DDX6: variants seen among roughly 807,000 people sequenced by gnomAD.
DDX6 encodes the protein DEAD-box helicase 6.
DDX6 carries 7 observed loss-of-function variants against 60.6 expected under a neutral mutation model. The observed-to-expected ratio is 0.12, with a 90% CI of 0.07 to 0.22. The LOEUF (loss-of-function observed/expected upper bound fraction) is 0.22, where lower values mean the gene tolerates loss of function less well. DDX6 is among the 10% of genes least tolerant of loss of function. The probability of loss-of-function intolerance (pLI) is 1.00; values close to 1 mark genes in which losing one functional copy is unlikely to be tolerated. For missense variants in DDX6, 270 were observed against 589.9 expected, an observed-to-expected ratio of 0.46 and a Z score of 5.62; for synonymous variants, 207 against 201.0, an observed-to-expected ratio of 1.03 and a Z score of -0.25.
At chr11:118,758,598 C>A (rs888082560) in intron 9 of DDX6, among the ~76,000 whole-genome samples, 176 bp downstream of exon 9, 3 of 152,162 alleles carry the variant, frequency 2.0e-5, no homozygotes, top group Non-Finnish European at 2.9e-5. Context: ...GTCTCAAACT[C>A]CTGACCTCGT....
intron 6 of DDX6, among the ~76,000 whole-genome samples, chr11:118,763,812 C>A (rs1555160787): frequency 2.2e-5 from 3 of 138,894 alleles, no homozygotes; most frequent in African/African-American, 5.5e-5. Context: ...CTAGCCAGAG[C>A]AACAGAGTAA....
intron 7 of DDX6, among the ~76,000 whole-genome samples, chr11:118,762,497 T>G (rs1861209568): frequency 5.3e-5 from 1 of 18,884 alleles, no homozygotes; most frequent in Admixed American, 8.2e-4. Flanking sequence ...TAGCTTACAG[T>G]TGGGCAAAAT....
intron 9 of DDX6, 31 bp downstream of exon 9, chr11:118,758,743 T>C: frequency 6.2e-7 from 1 of 1,610,874 alleles, no homozygotes; most frequent in Non-Finnish European, 8.5e-7. Flanking sequence ...ACTCGAGAGA[T>C]AATATTCAAC....
chr11:118,754,064 C>T (rs1405021834), intron 13 of DDX6, among the ~76,000 whole-genome samples: 3 of 152,192 alleles, frequency 2.0e-5, no homozygotes, highest in African/African-American at 7.2e-5. Flanking sequence ...TGCCACTGTA[C>T]TCCAGCCTGG....
intron 4 of DDX6, among the ~76,000 whole-genome samples, chr11:118,776,023 TATC>T (rs1555163553): frequency 1.3e-5 from 2 of 152,052 alleles, no homozygotes; most frequent in Non-Finnish European, 2.9e-5. Context: ...GGTACTACAC[TATC>T]ATCCTTACTC....
At chr11:118,773,550 C>T (rs782704010) in intron 4 of DDX6, among the ~76,000 whole-genome samples, 8 of 151,742 alleles carry the variant, frequency 5.3e-5, no homozygotes, top group East Asian at 1.9e-4. Flanking sequence ...CCAGCCTGGG[C>T]GACAGAGCGA....
Position 118,755,993 on chromosome 11 carries a change from G to A in DDX6, c.1174+267C>T, listed in dbSNP as rs192896036. Among the ~76,000 whole-genome samples the A allele has an allele frequency of 3.1e-3, 451 of 146,966 alleles. 6 individuals are homozygous for A. Among genetic ancestry groups the A allele is most frequent in the Middle Eastern group, 0.01 (3 of 288 alleles). On this transcript the variant is annotated intron_variant, in intron 11 of 13. Transcript: ENST00000534980. Reference sequence around the variant, plus strand: ...AGATCGCACCACTGCACTCCAGCCTGGGTGACAAAGATTCCATCCCCCTCC... The same window carrying A: ...AGATCGCACCACTGCACTCCAGCCTAGGTGACAAAGATTCCATCCCCCTCC...
At chr11:118,783,338 G>A (rs1371669253) in intron 2 of DDX6, among the ~76,000 whole-genome samples, 4 of 152,176 alleles carry the variant, frequency 2.6e-5, no homozygotes, top group Non-Finnish European at 5.9e-5. Context: ...GTGCAGTGGT[G>A]CGATCATAGC....
At chr11:118,773,986 T>C (rs1004715296) in intron 4 of DDX6, among the ~76,000 whole-genome samples, 1 of 152,234 alleles carries the variant, frequency 6.6e-6, no homozygotes, top group Non-Finnish European at 1.5e-5. Context: ...CAGAATGCTA[T>C]AATTCCTAAC....
intron 4 of DDX6, among the ~76,000 whole-genome samples, chr11:118,768,987 C>CAAATAA (rs1861444733): frequency 2.5e-5 from 1 of 39,976 alleles, no homozygotes; most frequent in Non-Finnish European, 4.2e-5. Context: ...CGTCTCATCT[C>CAAATAA]AAAAAAAAAA....
At position 118,753,374 on chromosome 11, in the gene DDX6, T is replaced by C. The variant is rs868927469; in HGVS notation, c.*8-1277A>G. ...TTTTTTTTTGAGATGGAGTCTAGCT[T>C]TGTCACCCAGGCTGGAGTGCAGTGG... is the stretch of plus-strand genomic sequence containing the variant. On this transcript the variant is annotated intron_variant, in intron 13 of 13. Transcript: ENST00000534980. Among the ~76,000 whole-genome samples the C allele has an allele frequency of 2.1e-5, 3 of 141,296 alleles. 1 individual carries two copies. The South Asian group carries it at 6.9e-4, about 33-fold the overall frequency. The allele number at this position is 141,296 out of a possible 152,430, so 92.7% of individuals were successfully genotyped here.
intron 11 of DDX6, among the ~76,000 whole-genome samples, chr11:118,756,020 C>G (rs552176988): frequency 2.1e-5 from 1 of 47,786 alleles, no homozygotes; most frequent in African/African-American, 6.0e-5. Flanking sequence ...TCCCCCTCCC[C>G]CCCCCCCCCA....
intron 7 of DDX6, among the ~76,000 whole-genome samples, chr11:118,762,255 G>T (rs1474068880): frequency 2.9e-5 from 4 of 139,338 alleles, no homozygotes; most frequent in African/African-American, 5.3e-5. Context: ...CAGTCTGGGT[G>T]ACAGAGTGAG....
chr11:118,761,744 T>C (rs920344153), intron 7 of DDX6, among the ~76,000 whole-genome samples: 1 of 152,160 alleles, frequency 6.6e-6, no homozygotes, highest in Non-Finnish European at 1.5e-5. Context: ...AATGCCTATC[T>C]ATTGCATCTG....
intron 8 of DDX6, 186 bp from the exon 9 acceptor site, chr11:118,759,088 C>T (rs1861077557): frequency 2.8e-6 from 2 of 702,880 alleles, no homozygotes; most frequent in East Asian, 7.0e-5. Context: ...GAGACAAAAT[C>T]TTGCTCTGTC....
chr11:118,791,257 T>A (rs1266138669), upstream of DDX6: 2 of 151,958 alleles, frequency 1.3e-5, no homozygotes, highest in African/African-American at 4.8e-5. Flanking sequence ...CCTCCTCCAC[T>A]CAAGATGGCG....
At chr11:118,761,133 T>C (rs1861151762) in intron 7 of DDX6, among the ~76,000 whole-genome samples, 1 of 151,768 alleles carries the variant, frequency 6.6e-6, no homozygotes, top group African/African-American at 2.4e-5. Context: ...AGAGCAAGAC[T>C]CTGTCTCAAA....
intron 13 of DDX6, among the ~76,000 whole-genome samples, chr11:118,754,199 G>C (rs1321970581): frequency 6.6e-6 from 1 of 152,238 alleles, no homozygotes; most frequent in African/African-American, 2.4e-5. Flanking sequence ...GGAAGCCAAG[G>C]CAGGAGGACT....
At chr11:118,752,303 C>A (rs921208532) in intron 13 of DDX6, among the ~76,000 whole-genome samples, 17 of 152,136 alleles carry the variant, frequency 1.1e-4, no homozygotes, top group African/African-American at 4.1e-4. Flanking sequence ...TGTGAATGTT[C>A]TGATAGCAGG....
Sources: gnomAD v4.1 joint callset for allele counts (sites outside exome capture counted in the v4.1 genomes callset) on GRCh38, gnomAD v4.1.1 for gene constraint, MANE v1.5 for transcripts, NCBI Gene and HGNC (gene_info 2026-07-23, HGNC 2026-07-21) for gene names.